MLF2: variants seen among roughly 807,000 people sequenced by gnomAD.
MLF2 encodes myeloid leukemia factor 2.
MLF2 carries 12 observed loss-of-function variants against 31.4 expected under a neutral mutation model. The ratio of observed to expected loss-of-function variants is 0.38; its 90% CI spans 0.24 to 0.62. The LOEUF (loss-of-function observed/expected upper bound fraction) is 0.62, where lower values mean the gene tolerates loss of function less well. MLF2 is among the 20% of genes least tolerant of loss of function. The pLI is 0.58. For synonymous variants in MLF2, 109 were observed against 118.8 expected (o/e 0.92, Z 0.54); for missense variants, 272 against 359.7 (o/e 0.76, Z 1.97).
rs371514164 is a variant in MLF2, at chr12:6,749,017, C to T, written c.560-35G>A. On this transcript the variant is annotated intron_variant, in intron 7 of 8. Coordinates refer to ENST00000203630, the MANE Select transcript of MLF2 (RefSeq NM_001382226.1). This position sits in a 1 kb window ranked among gnomAD's most constrained non-coding sequence, Gnocchi z 5.3. ...ACAGAGCGGACATGAGGCCTGTGTG[C>T]GGCCTGGCTCCTGGAGGCCGATGTG... 34 of 1,508,126 alleles carry T rather than the reference C, an allele frequency of 2.3e-5. No individual in the cohort carries two copies. Among genetic ancestry groups the T allele is most frequent in the African/African-American group, 8.7e-5 (6 of 69,002 alleles). 93.4% of individuals were successfully genotyped at this position (1,508,126 alleles called of 1,614,324 possible). A position where few individuals can be genotyped will look rare whatever the true frequency, so the allele number is the denominator to read the frequency against.
Position 6,750,406 on chromosome 12 carries a change from C to CA in MLF2, c.271-102dup. 1 of 1,440,918 alleles carries CA rather than the reference C, an allele frequency of 6.9e-7. No individual in the cohort carries two copies. The highest frequency in any genetic ancestry group is 9.4e-7 in the Non-Finnish European group (1 of 1,067,408). 89.3% of individuals were successfully genotyped at this position (1,440,918 alleles called of 1,614,324 possible). On this transcript the variant is annotated intron_variant, in intron 5 of 8. Coordinates refer to ENST00000203630, the MANE Select transcript of MLF2 (RefSeq NM_001382226.1). This position sits in a 1 kb window ranked among gnomAD's most constrained non-coding sequence, Gnocchi z 5.3. ...CCTGTTCTAGCCTGTATCTTTCTCA[C>CA]AAAATGCAAGAACTGAAAAAACATC...
chr12:6,752,881 C>T lies in MLF2; in HGVS notation c.-29+58G>A, dbSNP rs961785245. On this transcript the variant is annotated intron_variant, in intron 1 of 8. Transcript: ENST00000203630. The surrounding 1 kb of genome is among the most constrained non-coding windows in gnomAD (Gnocchi z 4.6). ...CCACCCCGCATCCCGGGCTCCCAGA[C>T]CCTGCAGCCCCGTGGGCCCGCTCCC... 4.6e-5 allele frequency: 8 copies of T among 173,766 alleles called. No homozygotes were observed. The East Asian group carries it at 1.2e-3, about 27-fold the overall frequency. The allele number at this position is 173,766 out of a possible 1,614,324, so 10.8% of individuals were successfully genotyped here.
Position 6,750,883 on chromosome 12 carries a change from A to G in MLF2, c.217-117T>C. 1.2e-6 allele frequency: 1 copy of G among 848,366 alleles called. No individual in the cohort carries two copies. The highest frequency in any genetic ancestry group is 1.4e-5 in the South Asian group (1 of 69,072). 52.6% of individuals were successfully genotyped at this position (848,366 alleles called of 1,614,324 possible). A position where few individuals can be genotyped will look rare whatever the true frequency, so the allele number is the denominator to read the frequency against. Reference sequence around the variant, plus strand: ...CATTTCCTTTCTCTTCTTCCTTCACATCTAGCAAGTTCTCTTTCTCATTCT... The same window carrying G: ...CATTTCCTTTCTCTTCTTCCTTCACGTCTAGCAAGTTCTCTTTCTCATTCT... On this transcript the variant is annotated intron_variant, in intron 4 of 8. Coordinates refer to ENST00000203630, the MANE Select transcript of MLF2 (RefSeq NM_001382226.1). The surrounding 1 kb of genome is among the most constrained non-coding windows in gnomAD (Gnocchi z 5.3).
chr12:6,751,686 C>T lies in MLF2; in HGVS notation c.181-10G>A. 1.2e-6 allele frequency: 2 copies of T among 1,614,038 alleles called. No individual in the cohort carries two copies. Among genetic ancestry groups the T allele is most frequent in the Non-Finnish European group, 1.7e-6 (2 of 1,179,884 alleles). ...GGGAGACAGCTCCAGCCTACAGGAA[C>T]ACATGAGGAACAGAAATTAGAGACC... On this transcript the variant is annotated splice_polypyrimidine_tract_variant and intron_variant, in intron 3 of 8. Coordinates refer to ENST00000203630, the MANE Select transcript of MLF2 (RefSeq NM_001382226.1).
Position 6,750,607 on chromosome 12 carries a change from C to CT in MLF2, c.270+105dup. On this transcript the variant is annotated intron_variant, in intron 5 of 8. Transcript: ENST00000203630. The surrounding 1 kb of genome is among the most constrained non-coding windows in gnomAD (Gnocchi z 5.3). ...TCTGGTTCAATTACTTTATCCAGTA[C>CT]TTTACCCTTCACTAGCATACTGTTT... The CT allele has an allele frequency of 7.6e-7, 1 of 1,312,996 alleles. No homozygotes were observed. The allele number at this position is 1,312,996 out of a possible 1,614,324, so 81.3% of individuals were successfully genotyped here.
rs1187201182 is a variant in MLF2, at chr12:6,749,647, G to A, written c.559+201C>T. On this transcript the variant is annotated intron_variant, in intron 7 of 8. Coordinates refer to ENST00000203630, the MANE Select transcript of MLF2 (RefSeq NM_001382226.1). The surrounding 1 kb of genome is among the most constrained non-coding windows in gnomAD (Gnocchi z 5.3). ...GGAGAATTGCTTAAACCCGGGAGGC[G>A]GAGGTTGCAGTGAGCTGAGATCGCG... 3.4e-5 allele frequency: 21 copies of A among 622,180 alleles called. No homozygotes were observed. Among genetic ancestry groups the A allele is most frequent in the Non-Finnish European group, 4.8e-5 (18 of 371,222 alleles). The allele number at this position is 622,180 out of a possible 1,614,324, so 38.5% of individuals were successfully genotyped here. A position where few individuals can be genotyped will look rare whatever the true frequency, so the allele number is the denominator to read the frequency against.
Position 6,748,711 on chromosome 12 carries a change from G to T in MLF2, c.*25+59C>A. The T allele has an allele frequency of 7.5e-7, 1 of 1,327,444 alleles. No individual in the cohort carries two copies. Among genetic ancestry groups the T allele is most frequent in the African/African-American group, 1.5e-5 (1 of 64,942 alleles). The allele number at this position is 1,327,444 out of a possible 1,614,324, so 82.2% of individuals were successfully genotyped here. On this transcript the variant is annotated intron_variant, in intron 8 of 8. Coordinates refer to ENST00000203630, the MANE Select transcript of MLF2 (RefSeq NM_001382226.1). The surrounding 1 kb of genome is among the most constrained non-coding windows in gnomAD (Gnocchi z 4.6). ...TCCTGCGGGAGCCTGAACTGAGCCT[G>T]CCTTGCAGCCGAGGACCGTCCGCAG...
At position 6,752,907 on chromosome 12, in the gene MLF2, G is replaced by A. The variant is rs1031913101; in HGVS notation, c.-29+32C>T. 2 of 186,616 alleles carry A rather than the reference G, an allele frequency of 1.1e-5. No individual in the cohort carries two copies. The highest frequency in any genetic ancestry group is 1.9e-4 in the South Asian group (1 of 5,354). The allele number at this position is 186,616 out of a possible 1,614,324, so 11.6% of individuals were successfully genotyped here. ...CCTGCAGCCCCGTGGGCCCGCTCCC[G>A]TCCGGGGCTGCCAGCTCTGCCCGAG... On this transcript the variant is annotated intron_variant, in intron 1 of 8. Transcript: ENST00000203630. This position sits in a 1 kb window ranked among gnomAD's most constrained non-coding sequence, Gnocchi z 4.6.
rs141443514 is a variant in MLF2, at chr12:6,752,012, C to T, written c.93G>A (p.Leu31=). 1.1e-5 allele frequency: 18 copies of T among 1,614,098 alleles called. No individual in the cohort carries two copies. Among genetic ancestry groups the T allele is most frequent in the Non-Finnish European group, 1.5e-5 (18 of 1,180,052 alleles). Residue 31 remains leucine (L), a synonymous_variant, in exon 3 of 9, where the codon TTG becomes TTA. Transcript: ENST00000203630. The surrounding 1 kb of genome is among the most constrained non-coding windows in gnomAD (Gnocchi z 4.6). ...AIHRQHMSRM[L]SGGFGYSPFL... ...AGGGGCTATATCCAAAGCCACCTGA[C>T]AACATACGGCTCATATGCTGACGGT...
At position 6,748,996 on chromosome 12, in the gene MLF2, A is replaced by G. The variant is rs974259174; in HGVS notation, c.560-14T>C. On this transcript the variant is annotated splice_polypyrimidine_tract_variant and intron_variant, in intron 7 of 8. Transcript: ENST00000203630. The surrounding 1 kb of genome is among the most constrained non-coding windows in gnomAD (Gnocchi z 4.6). ...CTGCGGCCTCACCTGGAAAGGACAG[A>G]GCGGACATGAGGCCTGTGTGCGGCC... 2 of 1,564,972 alleles carry G rather than the reference A, an allele frequency of 1.3e-6. No homozygotes were observed. Among genetic ancestry groups the G allele is most frequent in the Non-Finnish European group, 8.6e-7 (1 of 1,160,468 alleles).
chr12:6,750,041 C>T lies in MLF2; in HGVS notation c.400-34G>A. On this transcript the variant is annotated intron_variant, in intron 6 of 8. Transcript: ENST00000203630. This position sits in a 1 kb window ranked among gnomAD's most constrained non-coding sequence, Gnocchi z 5.3. Reference sequence around the variant, plus strand: ...AGGCAGAACGTGGCACACTCAGCCGCCCCTTCCAAAGCCCTGCCTATACCA... The same window carrying T: ...AGGCAGAACGTGGCACACTCAGCCGTCCCTTCCAAAGCCCTGCCTATACCA... 6.2e-7 allele frequency: 1 copy of T among 1,613,396 alleles called. No individual in the cohort carries two copies. The highest frequency in any genetic ancestry group is 8.5e-7 in the Non-Finnish European group (1 of 1,179,514).
chr12:6,752,340 T>C lies in MLF2; in HGVS notation c.-6A>G, dbSNP rs1487365988. 1 of 1,558,596 alleles carries C rather than the reference T, an allele frequency of 6.4e-7. No individual in the cohort carries two copies. Among genetic ancestry groups the C allele is most frequent in the Admixed American group, 1.9e-5 (1 of 51,854 alleles). ...TCCCTCATGAAGCGGAACATCCTGA[T>C]CTCAGCTCCAGGGGGCTCCACACTG... is the stretch of plus-strand genomic sequence containing the variant. On this transcript the variant is annotated 5_prime_UTR_variant, in exon 2 of 9. Transcript: ENST00000203630. This position sits in a 1 kb window ranked among gnomAD's most constrained non-coding sequence, Gnocchi z 4.6.
In MLF2 at chr12:6,749,082, T is replaced by C. The variant is rs961038267; in HGVS notation, c.560-100A>G. On this transcript the variant is annotated intron_variant, in intron 7 of 8. Coordinates refer to ENST00000203630, the MANE Select transcript of MLF2 (RefSeq NM_001382226.1). The surrounding 1 kb of genome is among the most constrained non-coding windows in gnomAD (Gnocchi z 5.3). ...CTTTTCGGGCCAAAGCGGCGAAGGCTGAGTGTGCGTGCAGGGATGGGTGGG... is the reference window on the plus strand; with the variant it reads ...CTTTTCGGGCCAAAGCGGCGAAGGCCGAGTGTGCGTGCAGGGATGGGTGGG... 1.7e-5 allele frequency: 22 copies of C among 1,275,504 alleles called. No homozygotes were observed. In the East Asian group the frequency reaches 2.7e-4, roughly 16 times the overall value. 79.0% of individuals were successfully genotyped at this position (1,275,504 alleles called of 1,614,324 possible). A position where few individuals can be genotyped will look rare whatever the true frequency, so the allele number is the denominator to read the frequency against.
In MLF2 at chr12:6,750,961, T is replaced by C; in HGVS notation, c.217-195A>G. ...CTCCTCCTGTGAACTGCTGACCCCT[T>C]CCTCAGTCTCTGTGACTGCTGTGAT... On this transcript the variant is annotated intron_variant, in intron 4 of 8. Transcript: ENST00000203630. The surrounding 1 kb of genome is among the most constrained non-coding windows in gnomAD (Gnocchi z 5.3). 8.6e-6 allele frequency: 5 copies of C among 582,852 alleles called. No homozygotes were observed. The highest frequency in any genetic ancestry group is 1.6e-5 in the Non-Finnish European group (5 of 320,638). The allele number at this position is 582,852 out of a possible 1,614,324, so 36.1% of individuals were successfully genotyped here.
In MLF2 at chr12:6,749,918, G is replaced by A. The variant is rs11538010; in HGVS notation, c.489C>T (p.Ile163=). 4 of 1,614,056 alleles carry A rather than the reference G, an allele frequency of 2.5e-6. No homozygotes were observed. Among genetic ancestry groups the A allele is most frequent in the Non-Finnish European group, 3.4e-6 (4 of 1,180,040 alleles). The part of the protein sequence containing the change: ...IGHHIRDRAH[I]LQRSRNHRTG... The stretch of plus-strand genomic sequence containing the variant: ...TGCGATGGTTTCGGGAGCGCTGGAG[G>A]ATGTGAGCCCTGTCCCGGATGTGAT... The change falls in exon 7 of 9, where the codon ATC becomes ATT. Residue 163 remains isoleucine (I), a synonymous_variant. Coordinates refer to ENST00000203630, the MANE Select transcript of MLF2 (RefSeq NM_001382226.1). This position sits in a 1 kb window ranked among gnomAD's most constrained non-coding sequence, Gnocchi z 5.3.
Position 6,749,808 on chromosome 12 carries a change from G to A in MLF2, c.559+40C>T, listed in dbSNP as rs1269790308. 2 of 1,611,648 alleles carry A rather than the reference G, an allele frequency of 1.2e-6. No homozygotes were observed. The highest frequency in any genetic ancestry group is 1.7e-6 in the Non-Finnish European group (2 of 1,178,874). On this transcript the variant is annotated intron_variant, in intron 7 of 8. Transcript: ENST00000203630. This position sits in a 1 kb window ranked among gnomAD's most constrained non-coding sequence, Gnocchi z 5.3. ...TGTTAGGGATGTCCACGGGAACCGGGTTAGGGGCTGCCAGCCAGGAAGCGG... is the reference window on the plus strand; with the variant it reads ...TGTTAGGGATGTCCACGGGAACCGGATTAGGGGCTGCCAGCCAGGAAGCGG...
At position 6,748,891 on chromosome 12, in the gene MLF2, T is replaced by C. The variant is rs1457534331; in HGVS notation, c.651A>G (p.Ser217=). 3.1e-6 allele frequency: 5 copies of C among 1,601,964 alleles called. No individual in the cohort carries two copies. Among genetic ancestry groups the C allele is most frequent in the Non-Finnish European group, 4.3e-6 (5 of 1,175,100 alleles). ...CCTCCGCCCTTCGTCCCCCAGCCCC[T>C]GAGGACTCAAGCCGCCGAAACTCCA... ...RPLEFRRLES[S]GAGGRRAEGP... is the part of the protein sequence containing the mutation. The change falls in exon 8 of 9, where the codon TCA becomes TCG. Residue 217 remains serine, a synonymous_variant. Transcript: ENST00000203630. The surrounding 1 kb of genome is among the most constrained non-coding windows in gnomAD (Gnocchi z 4.6).
Position 6,751,953 on chromosome 12 carries a change from G to A in MLF2, c.152C>T (p.Thr51Ile). ...LSITDGNMPG[T>I]RPASRRMQQA... The stretch of plus-strand genomic sequence containing the variant: ...CTGCATCCGGCGGCTGGCAGGCCTG[G>A]TCCCTGGCATGTTGCCATCTGTGAT... The change falls in exon 3 of 9, where the codon ACC (threonine) becomes ATC (isoleucine). Residue 51 changes from threonine to isoleucine, a missense_variant. Coordinates refer to ENST00000203630, the MANE Select transcript of MLF2 (RefSeq NM_001382226.1). The A allele has an allele frequency of 6.2e-7, 1 of 1,614,208 alleles. No individual in the cohort carries two copies. Among genetic ancestry groups the A allele is most frequent in the Non-Finnish European group, 8.5e-7 (1 of 1,180,050 alleles).
rs371743916 is a variant in MLF2 at position 6,751,660 on chromosome 12, G to T, written c.197C>A (p.Pro66His). 57 of 1,614,086 alleles carry T rather than the reference G, an allele frequency of 3.5e-5. No individual in the cohort carries two copies. Among genetic ancestry groups the T allele is most frequent in the Admixed American group, 1.5e-4 (9 of 60,012 alleles). ...RRMQQAGAVS[P>H]FGMLGMSGGF... ...ACTCACCATTCCCAGCATCCCAAAG[G>T]GGGAGACAGCTCCAGCCTACAGGAA... is the stretch of plus-strand genomic sequence containing the variant. The change falls in exon 4 of 9, where the codon CCC (proline) becomes CAC (histidine). Residue 66 changes from proline (P) to histidine (H), a missense_variant. Transcript: ENST00000203630.
Sources: gnomAD v4.1 joint callset for allele counts on GRCh38, gnomAD v4.1.1 for gene constraint, Gnocchi (gnomAD v3.1) non-coding constraint, MANE v1.5 for transcripts, NCBI Gene and HGNC (gene_info 2026-07-23, HGNC 2026-07-21) for gene names.